The following TSG101 variants were observed in gnomAD, a reference collection of about 807,000 sequenced individuals.
TSG101 encodes the protein tumor susceptibility 101.
In TSG101, 19 loss-of-function variants were observed where a neutral mutation model predicts 48.5. The ratio of observed to expected loss-of-function variants is 0.39; its 90% CI spans 0.27 to 0.58. The LOEUF is 0.58. TSG101 is among the 20% of genes least tolerant of loss of function. The pLI, the probability that TSG101 is intolerant of heterozygous loss-of-function variation, is 0.55. For missense variants in TSG101, 365 were observed against 484.4 expected (o/e 0.75, Z 2.31); for synonymous variants, 174 against 169.4 (o/e 1.03, Z -0.21).
intron 7 of TSG101, among the ~76,000 whole-genome samples, chr11:18,498,660 AT>A (rs1849821887): frequency 6.6e-6 from 1 of 152,146 alleles, no homozygotes; most frequent in African/African-American, 2.4e-5. Context: ...GGATATAACA[AT>A]CTCGAGTTCA....
chr11:18,524,911 CTT>C (rs35642875), intron 1 of TSG101, among the ~76,000 whole-genome samples: 55 of 137,068 alleles, frequency 4.0e-4, no homozygotes, highest in Non-Finnish European at 3.2e-4. Context: ...AGGAATAAAT[CTT>C]TTTTTTTTTT....
intron 7 of TSG101, among the ~76,000 whole-genome samples, chr11:18,485,230 C>T (rs1270310102): frequency 1.3e-5 from 2 of 152,090 alleles, no homozygotes; most frequent in East Asian, 1.9e-4. Context: ...ACATCAGATC[C>T]CATCTTCTCT....
intron 8 of TSG101, among the ~76,000 whole-genome samples, chr11:18,483,549 C>T (rs1849577451): frequency 6.6e-6 from 1 of 151,446 alleles, no homozygotes; most frequent in Non-Finnish European, 1.5e-5. Context: ...TCTGAGGTCT[C>T]CCCAGCCATG....
chr11:18,494,740 C>CG (rs1278193882), intron 7 of TSG101, among the ~76,000 whole-genome samples: 1 of 152,088 alleles, frequency 6.6e-6, no homozygotes, highest in African/African-American at 2.4e-5. Context: ...TGCACACAAG[C>CG]AAGCGTGCAC....
At position 18,506,999 on chromosome 11, in the gene TSG101, T is replaced by C. The variant is rs1374515484; in HGVS notation, c.482-76A>G. 4.1e-6 allele frequency: 5 copies of C among 1,209,254 alleles called. No homozygotes were observed. The East Asian group carries it at 1.2e-4, about 29-fold the overall frequency. The allele number at this position is 1,209,254 out of a possible 1,614,324, so 74.9% of individuals were successfully genotyped here. On this transcript the variant is annotated intron_variant, in intron 5 of 9. Coordinates refer to ENST00000251968, the MANE Select transcript of TSG101 (RefSeq NM_006292.4). ...TGTAGGCTACTGAATAAGATATACATCACACTGTCAATACACAGCAAAATT... is the reference window on the plus strand; with the variant it reads ...TGTAGGCTACTGAATAAGATATACACCACACTGTCAATACACAGCAAAATT...
intron 1 of TSG101, among the ~76,000 whole-genome samples, 187 bp downstream of exon 1, chr11:18,526,588 T>A (rs1850378661): frequency 6.6e-6 from 1 of 152,150 alleles, no homozygotes; most frequent in Non-Finnish European, 1.5e-5. Context: ...CCCTCCCAGC[T>A]CCCGTACGGG....
chr11:18,489,874 T>C (rs1405577423), intron 7 of TSG101, among the ~76,000 whole-genome samples: 1 of 152,238 alleles, frequency 6.6e-6, no homozygotes, highest in Non-Finnish European at 1.5e-5. Flanking sequence ...TGTATTTCAA[T>C]GATTCTGGTA....
intron 2 of TSG101, 41 bp downstream of exon 2, chr11:18,519,478 C>T (rs368421543): frequency 3.4e-6 from 5 of 1,472,642 alleles, no homozygotes; most frequent in Non-Finnish European, 4.7e-6. Flanking sequence ...AGAGAGTAAA[C>T]TCAAAGTATA....
At chr11:18,497,630 A>G (rs1392383667) in intron 7 of TSG101, among the ~76,000 whole-genome samples, 1 of 152,260 alleles carries the variant, frequency 6.6e-6, no homozygotes, top group Admixed American at 6.5e-5. Context: ...TCTACAAATC[A>G]AAAGGATTAT....
intron 3 of TSG101, among the ~76,000 whole-genome samples, 159 bp downstream of exon 3, chr11:18,515,940 G>C (rs1850162212): frequency 6.6e-6 from 1 of 152,154 alleles, no homozygotes; most frequent in African/African-American, 2.4e-5. Context: ...GAAAATGTTA[G>C]GTGTTACTGC....
chr11:18,480,332 G>A lies in TSG101; in HGVS notation c.*214C>T. On this transcript the variant is annotated 3_prime_UTR_variant, in exon 10 of 10. Transcript: ENST00000251968. ...AAAATTATGCAACAAATTTTATTTA[G>A]CAGTCCCAACATTCAGCACAAAAAG... The A allele has an allele frequency of 5.5e-6, 2 of 363,748 alleles. No individual in the cohort carries two copies. The highest frequency in any genetic ancestry group is 9.9e-6 in the Non-Finnish European group (2 of 202,002). 22.5% of individuals were successfully genotyped at this position (363,748 alleles called of 1,614,324 possible). A position where few individuals can be genotyped will look rare whatever the true frequency, so the allele number is the denominator to read the frequency against.
intron 7 of TSG101, chr11:18,490,548 GT>G: frequency 2.0e-6 from 1 of 490,002 alleles, no homozygotes; most frequent in South Asian, 1.9e-5. Context: ...ATTCCACACA[GT>G]GGTTTGTTTG....
In TSG101 at chr11:18,506,838, A is replaced by G. The variant is rs369066821; in HGVS notation, c.548+19T>C. ...GAAGAATTTGTAATACAATTATTCA[A>G]AAGAACGTTTTTCATTACCTGGGAT... On this transcript the variant is annotated intron_variant, in intron 6 of 9. Transcript: ENST00000251968. 25 of 1,558,614 alleles carry G rather than the reference A, an allele frequency of 1.6e-5. No individual in the cohort carries two copies. In the African/African-American group the frequency reaches 3.0e-4, roughly 19 times the overall value.
In TSG101 at chr11:18,499,381, A is replaced by AATAAATATATATATATATAT. The variant is rs1554970780; in HGVS notation, c.640+3104_640+3105insATATATATATATATATTTAT. On this transcript the variant is annotated intron_variant, in intron 7 of 9. Transcript: ENST00000251968. The stretch of plus-strand genomic sequence containing the variant: ...TTATATATAAATATGTTTATATTTA[A>AATAAATATATATATATATAT]ATATATATATATATATATATATTTT... 2.4e-4 allele frequency among the ~76,000 whole-genome samples: 3 copies of AATAAATATATATATATATAT among 12,294 alleles called. 1 individual carries two copies. The highest frequency in any genetic ancestry group is 7.8e-4 in the African/African-American group (3 of 3,836). 8.1% of individuals were successfully genotyped at this position (12,294 alleles called of 152,430 possible).
chr11:18,490,535 G>T, intron 7 of TSG101: 1 of 486,038 alleles, frequency 2.1e-6, no homozygotes, highest in East Asian at 4.6e-5. Context: ...AAGCCTGCTG[G>T]GAATTCCACA....
Position 18,516,177 on chromosome 11 carries a change from A to T in TSG101, c.128-13T>A. On this transcript the variant is annotated splice_polypyrimidine_tract_variant and intron_variant, in intron 2 of 9. Coordinates refer to ENST00000251968, the MANE Select transcript of TSG101 (RefSeq NM_006292.4). The stretch of plus-strand genomic sequence containing the variant: ...CCATCGTTAAAAACTGAAAGGAAAG[A>T]ACAATGATTTAATCATGAGCATTTT... 1.9e-6 allele frequency: 3 copies of T among 1,612,524 alleles called. No homozygotes were observed. Among genetic ancestry groups the T allele is most frequent in the Non-Finnish European group, 2.5e-6 (3 of 1,178,908 alleles).
chr11:18,523,396 T>C (rs1303987862), intron 1 of TSG101, among the ~76,000 whole-genome samples: 2 of 152,218 alleles, frequency 1.3e-5, no homozygotes, highest in African/African-American at 2.4e-5. Flanking sequence ...TTGCCTTCTA[T>C]AAGAATTTAA....
chr11:18,513,663 G>A (rs952838590), intron 4 of TSG101, among the ~76,000 whole-genome samples: 1 of 152,126 alleles, frequency 6.6e-6, no homozygotes, highest in African/African-American at 2.4e-5. Context: ...TACTTTGGTA[G>A]ACAGAACAGC....
intron 7 of TSG101, among the ~76,000 whole-genome samples, chr11:18,488,382 A>C (rs1185651981): frequency 3.3e-5 from 5 of 152,152 alleles, no homozygotes; most frequent in Non-Finnish European, 7.3e-5. Flanking sequence ...TGATAGGCCT[A>C]TTATCAATTC....
Sources: gnomAD v4.1 joint callset for allele counts (sites outside exome capture counted in the v4.1 genomes callset) on GRCh38, gnomAD v4.1.1 for gene constraint, MANE v1.5 for transcripts, NCBI Gene and HGNC (gene_info 2026-07-23, HGNC 2026-07-21) for gene names.